Variants in SORCS1 observed in about 807,000 individuals in gnomAD.
SORCS1 encodes VPS10 domain-containing receptor SorCS1.
Under a neutral mutation model 146.1 loss-of-function variants are expected in SORCS1, and 60 were observed. The observed-to-expected ratio is 0.41, with a 90% CI of 0.33 to 0.51. The LOEUF (loss-of-function observed/expected upper bound fraction) is 0.51. Among genes scored for constraint, SORCS1 ranks in the 20% least tolerant of loss-of-function variants. SORCS1 has a pLI of 0.21. For missense variants in SORCS1, 1,352 were observed against 1,487.6 expected (o/e 0.91, Z 1.50); for synonymous variants, 637 against 584.0 (o/e 1.09, Z -1.31).
intron 2 of SORCS1, among the ~76,000 whole-genome samples, chr10:106,896,792 T>TA (rs572801802): frequency 1.2e-4 from 18 of 152,054 alleles, no homozygotes; most frequent in African/African-American, 3.9e-4. Context: ...AGCTCAGTGT[T>TA]AGAGTTCACA....
At chr10:106,712,719 T>C (rs1348315688) in intron 6 of SORCS1, among the ~76,000 whole-genome samples, 1 of 152,248 alleles carries the variant, frequency 6.6e-6, no homozygotes, top group Non-Finnish European at 1.5e-5. Context: ...CCACCTTTCA[T>C]AATGATGAGA....
At chr10:106,947,864 T>A (rs75091359) in intron 2 of SORCS1, among the ~76,000 whole-genome samples, 4,184 of 150,976 alleles carry the variant, frequency 0.028, 138 homozygotes, top group African/African-American at 0.08. Flanking sequence ...AAAAAGAAAC[T>A]AGAGCTACAA....
chr10:107,013,621 G>C lies in SORCS1; in HGVS notation c.559-57041C>G, dbSNP rs1957772601. On this transcript the variant is annotated intron_variant, in intron 1 of 25. Transcript: ENST00000263054. ...ATTAAGCCTAGATGAAACCTAAAGA[G>C]CTCTTTAGGGATATTTATTAGCATC... is the stretch of plus-strand genomic sequence containing the variant. 2.0e-5 allele frequency among the ~76,000 whole-genome samples: 3 copies of C among 152,074 alleles called. No homozygotes were observed. In the South Asian group the frequency reaches 6.2e-4, roughly 32 times the overall value.
intron 6 of SORCS1, among the ~76,000 whole-genome samples, chr10:106,726,474 T>C (rs1856200660): frequency 6.6e-6 from 1 of 150,764 alleles, no homozygotes; most frequent in Non-Finnish European, 1.5e-5. Flanking sequence ...TCAACCGCCA[T>C]GCCTTCAGGG....
chr10:107,123,388 A>G (rs1200667308), intron 1 of SORCS1, among the ~76,000 whole-genome samples: 1 of 152,232 alleles, frequency 6.6e-6, no homozygotes, highest in East Asian at 1.9e-4. Context: ...TTGAATGTTA[A>G]TTCTTGAAAG....
At chr10:106,618,799 G>C (rs1358873) in intron 20 of SORCS1, among the ~76,000 whole-genome samples, 148,336 of 152,250 alleles carry the variant, frequency 0.97, 72,348 homozygotes, top group East Asian at 1. Context: ...GTGCTGGCCC[G>C]CTTTGAGAAG....
chr10:107,120,536 A>T (rs1438304354), intron 1 of SORCS1, among the ~76,000 whole-genome samples: 1 of 152,208 alleles, frequency 6.6e-6, no homozygotes, highest in East Asian at 1.9e-4. Context: ...TAGTTTATAG[A>T]CAGAGACCAA....
rs868178867 is a variant in SORCS1 at position 106,658,272 on chromosome 10, G to T, written c.2304-5719C>A. ...TTCTTTTGCCTGTGCTGTTCATTCT[G>T]CCCGGGATGCTCTTTCCTACTGGCA... On this transcript the variant is annotated intron_variant, in intron 17 of 25. Transcript: ENST00000263054. Among the ~76,000 whole-genome samples, 8 of 151,506 alleles carry T rather than the reference G, an allele frequency of 5.3e-5. No homozygotes were observed. In the South Asian group the frequency reaches 1.7e-3, roughly 32 times the overall value.
At chr10:106,906,266 C>A (rs959609459) in intron 2 of SORCS1, among the ~76,000 whole-genome samples, 1 of 152,214 alleles carries the variant, frequency 6.6e-6, no homozygotes. Flanking sequence ...AGGTGCCCAC[C>A]ACCACGCCTG....
chr10:107,013,067 A>G (rs1589927806), intron 1 of SORCS1, among the ~76,000 whole-genome samples: 1 of 152,146 alleles, frequency 6.6e-6, no homozygotes, highest in African/African-American at 2.4e-5. Context: ...ACAGCATTCA[A>G]TTCCATATCC....
intron 2 of SORCS1, among the ~76,000 whole-genome samples, chr10:106,919,040 T>A (rs376026190): frequency 5.6e-4 from 86 of 152,248 alleles, no homozygotes; most frequent in African/African-American, 1.8e-3. Flanking sequence ...GTTTGCCACA[T>A]TGCCCATGCT....
chr10:107,050,634 T>C (rs1960015574), intron 1 of SORCS1, among the ~76,000 whole-genome samples: 1 of 152,192 alleles, frequency 6.6e-6, no homozygotes, highest in South Asian at 2.1e-4. Flanking sequence ...CACAAGTTCA[T>C]CTTGTCAGCA....
At chr10:106,703,381 G>C (rs1441372108) in intron 8 of SORCS1, among the ~76,000 whole-genome samples, 1 of 151,914 alleles carries the variant, frequency 6.6e-6, no homozygotes, top group Non-Finnish European at 1.5e-5. Context: ...TGCTTTTATA[G>C]AGTATCTGTC....
intron 1 of SORCS1, among the ~76,000 whole-genome samples, chr10:107,061,355 C>T (rs970711945): frequency 2.6e-5 from 4 of 152,136 alleles, no homozygotes; most frequent in Non-Finnish European, 5.9e-5. Flanking sequence ...AAAATGCTTA[C>T]TTTCAGTGTA....
rs151000801 is a variant in SORCS1 at position 107,093,531 on chromosome 10, G to C, written c.558+70438C>G. Among the ~76,000 whole-genome samples the C allele has an allele frequency of 1.1e-3, 170 of 152,168 alleles. 1 individual carries two copies. Among genetic ancestry groups the C allele is most frequent in the African/African-American group, 3.7e-3 (155 of 41,520 alleles). The stretch of plus-strand genomic sequence containing the variant: ...CTACTAAAAATACAAAAATTAGTTG[G>C]GTATGGTGGTGTGTGCCCGTAGTCC... On this transcript the variant is annotated intron_variant, in intron 1 of 25. Coordinates refer to ENST00000263054, the MANE Select transcript of SORCS1 (RefSeq NM_052918.5).
intron 1 of SORCS1, among the ~76,000 whole-genome samples, chr10:107,098,471 C>T (rs191573571): frequency 1.3e-5 from 2 of 152,256 alleles, no homozygotes; most frequent in Non-Finnish European, 2.9e-5. Context: ...TTGGTTTTTT[C>T]CACCATTCAG....
intron 8 of SORCS1, among the ~76,000 whole-genome samples, chr10:106,700,403 C>T (rs1854047802): frequency 6.6e-6 from 1 of 152,174 alleles, no homozygotes; most frequent in African/African-American, 2.4e-5. Context: ...AGTCATAAAA[C>T]AACTTCCAAA....
At chr10:106,782,299 T>C (rs956135342) in intron 3 of SORCS1, among the ~76,000 whole-genome samples, 28 of 152,204 alleles carry the variant, frequency 1.8e-4, no homozygotes, top group African/African-American at 6.5e-4. Context: ...AAGATCTTGC[T>C]CTGTCGCCCC....
chr10:107,136,288 G>A (rs1967293244), intron 1 of SORCS1, among the ~76,000 whole-genome samples: 1 of 152,204 alleles, frequency 6.6e-6, no homozygotes, highest in South Asian at 2.1e-4. Flanking sequence ...AAAAGTCCTG[G>A]CTTTCTTCAT....
Sources: gnomAD v4.1 joint callset for allele counts (sites outside exome capture counted in the v4.1 genomes callset) on GRCh38, gnomAD v4.1.1 for gene constraint, MANE v1.5 for transcripts, NCBI Gene and HGNC (gene_info 2026-07-23, HGNC 2026-07-21) for gene names.